TRIM59: variants seen among roughly 807,000 people sequenced by gnomAD.
TRIM59 encodes tripartite motif-containing protein 59.
Under a neutral mutation model 32.2 loss-of-function variants are expected in TRIM59, and 14 were observed. The observed-to-expected ratio is 0.43, with a 90% confidence interval of 0.29 to 0.68. The LOEUF (loss-of-function observed/expected upper bound fraction) is 0.68. Among genes scored for constraint, TRIM59 ranks in the 30% least tolerant of loss-of-function variants. The probability of loss-of-function intolerance (pLI) is 0.15; values close to 1 mark genes in which losing one functional copy is unlikely to be tolerated. For missense variants in TRIM59, 471 were observed against 463.3 expected, an observed-to-expected ratio of 1.02 and a Z score of -0.15; for synonymous variants, 163 against 155.1, an observed-to-expected ratio of 1.05 and a Z score of -0.38.
At chr3:160,444,442 A>C (rs1308170423) in intron 2 of TRIM59, among the ~76,000 whole-genome samples, 1 of 152,232 alleles carries the variant, frequency 6.6e-6, no homozygotes, top group Non-Finnish European at 1.5e-5. Context: ...GAAAAAAGGA[A>C]AACTAAACCA....
In TRIM59 at chr3:160,436,189, A is replaced by T. The variant is rs1024229197; in HGVS notation, c.*1783T>A. ...ATAATACAGTCATCTTAGTGTTAAG[A>T]CTTATTCTCAGCAGGTAAGAGTTTT... On this transcript the variant is annotated 3_prime_UTR_variant, in exon 3 of 3. Coordinates refer to ENST00000309784, the MANE Select transcript of TRIM59 (RefSeq NM_173084.3). 6.9e-6 allele frequency: 7 copies of T among 1,009,400 alleles called. No homozygotes were observed. Among genetic ancestry groups the T allele is most frequent in the Non-Finnish European group, 8.3e-6 (7 of 844,220 alleles). The allele number at this position is 1,009,400 out of a possible 1,614,324, so 62.5% of individuals were successfully genotyped here.
Position 160,436,078 on chromosome 3 carries a change from T to TA in TRIM59, c.*1893dup. 8.7e-7 allele frequency: 1 copy of TA among 1,151,280 alleles called. No individual in the cohort carries two copies. Among genetic ancestry groups the TA allele is most frequent in the African/African-American group, 1.6e-5 (1 of 61,418 alleles). The allele number at this position is 1,151,280 out of a possible 1,614,324, so 71.3% of individuals were successfully genotyped here. ...CTCTAGCTGAGTATGTGTCTCTCCT[T>TA]ACCTCTACTATGCCCTTTAAATGTT... is the stretch of plus-strand genomic sequence containing the variant. On this transcript the variant is annotated 3_prime_UTR_variant, in exon 3 of 3. Coordinates refer to ENST00000309784, the MANE Select transcript of TRIM59 (RefSeq NM_173084.3).
chr3:160,449,047 G>C (rs148657075), intron 1 of TRIM59: 1 of 250,860 alleles, frequency 4.0e-6, no homozygotes, highest in Non-Finnish European at 7.9e-6. Flanking sequence ...ATGAGCTCTC[G>C]ACAATATTAC....
chr3:160,439,700 C>T (rs890124720), intron 2 of TRIM59, among the ~76,000 whole-genome samples: 1 of 152,164 alleles, frequency 6.6e-6, no homozygotes, highest in East Asian at 1.9e-4. Context: ...ACGTGCCTTT[C>T]ACCTTCTGCC....
In TRIM59 at chr3:160,444,806, T is replaced by C. The variant is rs116482242; in HGVS notation, c.-4+3920A>G. Among the ~76,000 whole-genome samples the C allele has an allele frequency of 7.0e-3, 1,068 of 152,306 alleles. 17 individuals carry two copies. The highest frequency in any genetic ancestry group is 0.025 in the African/African-American group (1,025 of 41,556). ...ACATGAGTGAAAAAGACATCTTGAA[T>C]ATCTGGCCAGCCAAGCTTTCAGATG... On this transcript the variant is annotated intron_variant, in intron 2 of 2. Transcript: ENST00000309784.
chr3:160,440,598 C>T (rs1327956163), intron 2 of TRIM59, among the ~76,000 whole-genome samples: 1 of 152,174 alleles, frequency 6.6e-6, no homozygotes, highest in Non-Finnish European at 1.5e-5. Flanking sequence ...GTTGAAAGTA[C>T]CTTAGGCAAA....
chr3:160,446,416 A>T (rs1227209181), intron 2 of TRIM59, among the ~76,000 whole-genome samples: 2 of 151,960 alleles, frequency 1.3e-5, no homozygotes, highest in Non-Finnish European at 2.9e-5. Flanking sequence ...GGAGTACATT[A>T]AAAAAAACAC....
rs2108514704 is a variant in TRIM59 at position 160,438,600 on chromosome 3, G to C, written c.584C>G (p.Thr195Arg). 6.2e-7 allele frequency: 1 copy of C among 1,611,382 alleles called. No individual in the cohort carries two copies. The highest frequency in any genetic ancestry group is 8.5e-7 in the Non-Finnish European group (1 of 1,179,394). Reference protein sequence around the residue: ...VLQYFKELNDTLEQKKKSFLT... With the variant: ...VLQYFKELNDRLEQKKKSFLT... ...GAAACTTTTTTTTTTCTGTTCTAATGTATCATTAAGCTCCTTAAAATACTG... is the reference window on the plus strand; with the variant it reads ...GAAACTTTTTTTTTTCTGTTCTAATCTATCATTAAGCTCCTTAAAATACTG... The change falls in exon 3 of 3, where the codon ACA (threonine) becomes AGA (arginine). Residue 195 changes from threonine to arginine, a missense_variant. Transcript: ENST00000309784.
chr3:160,446,877 G>A (rs112763601), intron 2 of TRIM59, among the ~76,000 whole-genome samples: 358 of 152,234 alleles, frequency 2.4e-3, no homozygotes, highest in African/African-American at 7.1e-3. Flanking sequence ...GATGATGTGC[G>A]GTAGAACAGT....
intron 2 of TRIM59, among the ~76,000 whole-genome samples, chr3:160,443,426 C>T (rs1285555404): frequency 6.6e-6 from 1 of 151,870 alleles, no homozygotes; most frequent in African/African-American, 2.4e-5. Context: ...AAACTCTATA[C>T]CTAGAAAAAA....
chr3:160,448,600 A>C, intron 2 of TRIM59, 126 bp downstream of exon 2: 1 of 459,336 alleles, frequency 2.2e-6, no homozygotes, highest in Non-Finnish European at 3.7e-6. Context: ...AAATGGTTGG[A>C]GTTTTATACA....
chr3:160,447,416 C>T (rs768033713), intron 2 of TRIM59, among the ~76,000 whole-genome samples: 4 of 152,162 alleles, frequency 2.6e-5, no homozygotes, highest in African/African-American at 9.7e-5. Context: ...ACTCTACTTA[C>T]AAATTATTTC....
Position 160,443,247 on chromosome 3 carries a change from C to A in TRIM59, c.-3-4061G>T, listed in dbSNP as rs560862062. On this transcript the variant is annotated intron_variant, in intron 2 of 2. Transcript: ENST00000309784. ...AGGCTTCTGAAAGGAAGAAAAAGAA[C>A]AAAAAATTAACCTATGTATATTTTC... Among the ~76,000 whole-genome samples, 18 of 152,160 alleles carry A rather than the reference C, an allele frequency of 1.2e-4. No homozygotes were observed. The South Asian group carries it at 3.5e-3, about 30-fold the overall frequency.
rs189991833 is a variant in TRIM59, at chr3:160,442,396, A to T, written c.-3-3210T>A. On this transcript the variant is annotated intron_variant, in intron 2 of 2. Coordinates refer to ENST00000309784, the MANE Select transcript of TRIM59 (RefSeq NM_173084.3). ...AAGGAGTTTGAGACCAGCCTGGCCA[A>T]CATGGTGAAACCCTGTATCTACTAA... Among the ~76,000 whole-genome samples, 4 of 152,266 alleles carry T rather than the reference A, an allele frequency of 2.6e-5. No homozygotes were observed. The East Asian group carries it at 7.7e-4, about 29-fold the overall frequency.
rs1260184415 is a variant in TRIM59 at position 160,438,978 on chromosome 3, C to T, written c.206G>A (p.Gly69Asp). The T allele has an allele frequency of 6.2e-7, 1 of 1,613,982 alleles. No homozygotes were observed. Residue 69 changes from glycine (G) to aspartate (D), a missense_variant, in exon 3 of 3, where the codon GGC becomes GAC. Gly to Asp is a moderately conservative substitution (Grantham distance 94). Coordinates refer to ENST00000309784, the MANE Select transcript of TRIM59 (RefSeq NM_173084.3). ...AAAATTAACAGGTAAAGATTCAATG[C>T]CAGTTGGAGCAATTTCAGTAATACT... is the stretch of plus-strand genomic sequence containing the variant. ...CRSITEIAPT[G>D]IESLPVNFAL...
chr3:160,448,824 G>T lies in TRIM59; in HGVS notation c.-73-29C>A. 6 of 1,121,042 alleles carry T rather than the reference G, an allele frequency of 5.4e-6. No individual in the cohort carries two copies. The East Asian group carries it at 1.8e-4, about 34-fold the overall frequency. The allele number at this position is 1,121,042 out of a possible 1,614,324, so 69.4% of individuals were successfully genotyped here. A position where few individuals can be genotyped will look rare whatever the true frequency, so the allele number is the denominator to read the frequency against. ...AAATTAAAATAATGTTATCTTTAAT[G>T]TTTTCAATTTATTGTCTCATGTCAT... is the stretch of plus-strand genomic sequence containing the variant. On this transcript the variant is annotated intron_variant, in intron 1 of 2. Transcript: ENST00000309784.
At chr3:160,445,284 G>A (rs147732886) in intron 2 of TRIM59, among the ~76,000 whole-genome samples, 55 of 151,918 alleles carry the variant, frequency 3.6e-4, no homozygotes, top group African/African-American at 1.0e-3. Flanking sequence ...GTATGGTGGC[G>A]CACGCCTGTT....
Position 160,438,408 on chromosome 3 carries a change from T to C in TRIM59, c.776A>G (p.Gln259Arg). The C allele has an allele frequency of 6.2e-7, 1 of 1,614,060 alleles. No homozygotes were observed. Residue 259 changes from glutamine to arginine, a missense_variant, in exon 3 of 3, where the codon CAG becomes CGG. Physicochemically the swap from Gln to Arg is conservative, Grantham distance 43. Coordinates refer to ENST00000309784, the MANE Select transcript of TRIM59 (RefSeq NM_173084.3). ...KFLEKVDDVR[Q>R]HVQILKQRPL... ...TCTTTGTTTCAAGATCTGTACATGCTGGCGTACATCATCAACTTTTTCAAG... is the reference window on the plus strand; with the variant it reads ...TCTTTGTTTCAAGATCTGTACATGCCGGCGTACATCATCAACTTTTTCAAG...
chr3:160,443,341 T>C lies in TRIM59; in HGVS notation c.-3-4155A>G, dbSNP rs533756254. The stretch of plus-strand genomic sequence containing the variant: ...CAAACAGTAAAAACATCAGTAACAC[T>C]GGAAACAATAAGACAATGGAGTAAT... On this transcript the variant is annotated intron_variant, in intron 2 of 2. Coordinates refer to ENST00000309784, the MANE Select transcript of TRIM59 (RefSeq NM_173084.3). Among the ~76,000 whole-genome samples, 29 of 152,148 alleles carry C rather than the reference T, an allele frequency of 1.9e-4. No individual in the cohort carries two copies. In the East Asian group the frequency reaches 5.2e-3, roughly 27 times the overall value.
Sources: allele counts gnomAD v4.1 joint callset (sites outside exome capture counted in the v4.1 genomes callset), GRCh38; gene constraint gnomAD v4.1.1; transcripts MANE v1.5; gene names NCBI Gene and HGNC (gene_info 2026-07-23, HGNC 2026-07-21).